Variants in PVT1 observed in about 807,000 individuals in gnomAD.
PVT1 encodes the protein CXCR4/PVT1 fusion.
At chr8:127,927,683 C>T (rs1354144330) in intron 3 of PVT1, among the ~76,000 whole-genome samples, 1 of 152,154 alleles carries the variant, frequency 6.6e-6, no homozygotes, top group African/African-American at 2.4e-5. Context: ...GCCATACCCC[C>T]TCCTTAGCTG....
intron 2 of PVT1, among the ~76,000 whole-genome samples, chr8:127,797,428 G>A (rs944831516): frequency 2.1e-4 from 32 of 152,156 alleles, no homozygotes; most frequent in African/African-American, 6.8e-4. Context: ...GTCCATGGTG[G>A]GACCCTGACT....
At chr8:128,029,277 C>CA (rs1185702249) in intron 4 of PVT1, among the ~76,000 whole-genome samples, 1 of 151,100 alleles carries the variant, frequency 6.6e-6, no homozygotes, top group Non-Finnish European at 1.5e-5. Flanking sequence ...TGCACACCAC[C>CA]ACCCTCAGTT....
At chr8:127,944,201 C>T (rs996581310) in intron 3 of PVT1, among the ~76,000 whole-genome samples, 1 of 152,166 alleles carries the variant, frequency 6.6e-6, no homozygotes, top group Non-Finnish European at 1.5e-5. Flanking sequence ...GATCCTCCTG[C>T]TTCAACATCC....
At chr8:127,917,152 C>T (rs529372228) in intron 3 of PVT1, among the ~76,000 whole-genome samples, 92 of 152,270 alleles carry the variant, frequency 6.0e-4, no homozygotes, top group Non-Finnish European at 1.2e-3. Context: ...CTAGTTACAA[C>T]TCTCTTCTGT....
intron 2 of PVT1, among the ~76,000 whole-genome samples, chr8:127,830,928 C>G (rs1352408164): frequency 6.6e-6 from 1 of 152,140 alleles, no homozygotes; most frequent in Admixed American, 6.5e-5. Flanking sequence ...ACTCCAAGTT[C>G]TTCAGTTTTG....
intron 3 of PVT1, among the ~76,000 whole-genome samples, chr8:127,950,401 C>T (rs1346696356): frequency 1.3e-5 from 2 of 152,200 alleles, no homozygotes; most frequent in Non-Finnish European, 2.9e-5. Flanking sequence ...GCTGTTGTGC[C>T]ATGTGGGGAG....
intron 4 of PVT1, among the ~76,000 whole-genome samples, chr8:128,056,863 G>A (rs921785247): frequency 6.6e-6 from 1 of 152,136 alleles, no homozygotes; most frequent in Non-Finnish European, 1.5e-5. Flanking sequence ...GCTTGCCCCA[G>A]CAGTATCTTC....
At chr8:127,960,541 G>A in intron 3 of PVT1, 1 of 363,224 alleles carries the variant, frequency 2.8e-6, no homozygotes, top group South Asian at 2.3e-5. Flanking sequence ...AGTTCAGTTG[G>A]TGGGAGATAG....
At chr8:127,821,097 T>C (rs1447306123) in intron 2 of PVT1, among the ~76,000 whole-genome samples, 1 of 152,126 alleles carries the variant, frequency 6.6e-6, no homozygotes, top group Non-Finnish European at 1.5e-5. Context: ...AAAAAAGCTG[T>C]GCGGATACTA....
chr8:127,915,297 C>G (rs1419446994), intron 3 of PVT1, among the ~76,000 whole-genome samples: 1 of 152,026 alleles, frequency 6.6e-6, no homozygotes, highest in African/African-American at 2.4e-5. Flanking sequence ...TATGACATCA[C>G]AGATCCCATC....
intron 6 of PVT1, among the ~76,000 whole-genome samples, chr8:128,098,210 C>G (rs562544370): frequency 6.6e-6 from 1 of 152,250 alleles, no homozygotes; most frequent in South Asian, 2.1e-4. Context: ...AACAGAGGCC[C>G]AGGGCTCTGG....
intron 2 of PVT1, among the ~76,000 whole-genome samples, chr8:127,847,547 T>G (rs1448631568): frequency 7.2e-5 from 11 of 152,194 alleles, no homozygotes; most frequent in Non-Finnish European, 5.9e-5. Context: ...CATGGAACAT[T>G]TTTATAAAAG....
At chr8:127,874,229 C>T (rs1292063984) in intron 2 of PVT1, among the ~76,000 whole-genome samples, 4 of 152,090 alleles carry the variant, frequency 2.6e-5, no homozygotes, top group Admixed American at 2.6e-4. Context: ...GTCATGATGC[C>T]ATGGGAGCAC....
At position 127,969,164 on chromosome 8, in the gene PVT1, T is replaced by A. The variant is rs557407883; in HGVS notation, n.783-19998T>A. 1.9e-3 allele frequency among the ~76,000 whole-genome samples: 293 copies of A among 152,314 alleles called. 2 individuals carry two copies. Among genetic ancestry groups the A allele is most frequent in the African/African-American group, 6.6e-3 (274 of 41,570 alleles). ...CATGTTTATAAGCGAACTTTGACAC[T>A]TGCCTCTGCTGATATGGCTGGGAAT... On this transcript the variant is annotated intron_variant and non_coding_transcript_variant, in intron 3 of 10. Transcript: ENST00000651587.
intron 3 of PVT1, among the ~76,000 whole-genome samples, chr8:127,940,888 C>T (rs1319396611): frequency 1.3e-5 from 2 of 152,202 alleles, no homozygotes; most frequent in African/African-American, 2.4e-5. Context: ...AGGTGTGAGC[C>T]ACTATGTCCG....
chr8:127,924,020 GC>G (rs1156717201), intron 3 of PVT1, among the ~76,000 whole-genome samples: 2 of 152,210 alleles, frequency 1.3e-5, no homozygotes. Flanking sequence ...TCTGCTCCAT[GC>G]CCCCTCTGGC....
intron 3 of PVT1, among the ~76,000 whole-genome samples, chr8:127,977,789 A>G (rs1039831806): frequency 6.6e-6 from 1 of 152,182 alleles, no homozygotes; most frequent in Non-Finnish European, 1.5e-5. Context: ...CTGTCACCCA[A>G]CACCTTAGTT....
chr8:127,856,349 AT>A (rs940165222), intron 2 of PVT1, among the ~76,000 whole-genome samples: 20 of 148,464 alleles, frequency 1.3e-4, no homozygotes, highest in East Asian at 3.9e-4. Flanking sequence ...ATACGTATAT[AT>A]TTTTTTTTCT....
At chr8:127,987,782 C>T (rs1220104067) in intron 3 of PVT1, among the ~76,000 whole-genome samples, 7 of 152,192 alleles carry the variant, frequency 4.6e-5, no homozygotes, top group Non-Finnish European at 7.3e-5. Context: ...TTTTGGGTAA[C>T]GAAGCAAATT....
Sources: gnomAD v4.1 joint callset for allele counts (sites outside exome capture counted in the v4.1 genomes callset) on GRCh38, gnomAD v4.1.1 for gene constraint, MANE v1.5 for transcripts, NCBI Gene and HGNC (gene_info 2026-07-23, HGNC 2026-07-21) for gene names.